ITSN2: variants seen among roughly 807,000 people sequenced by gnomAD.
The protein encoded by ITSN2 is intersectin 2, also known as intersectin-2.
Under a neutral mutation model 243.7 loss-of-function variants are expected in ITSN2, and 156 were observed. That is an observed-to-expected ratio of 0.64 (90% CI 0.56 to 0.73). The LOEUF (loss-of-function observed/expected upper bound fraction) is 0.73, where lower values mean the gene tolerates loss of function less well. Ranked by LOEUF, ITSN2 falls within the 30% of genes least tolerant of loss-of-function variation. ITSN2 has a pLI of 0.00. For synonymous variants in ITSN2, 703 were observed against 699.9 expected (o/e 1.00, Z -0.07); for missense variants, 1,801 against 1,996.1 (o/e 0.90, Z 1.86).
chr2:24,352,167 G>A (rs145366283), intron 1 of ITSN2, among the ~76,000 whole-genome samples: 1 of 152,256 alleles, frequency 6.6e-6, no homozygotes, highest in Non-Finnish European at 1.5e-5. Context: ...ACCACTAGGG[G>A]TTTTGGAATG....
intron 1 of ITSN2, chr2:24,330,639 G>T: frequency 1.3e-6 from 1 of 745,858 alleles, no homozygotes; most frequent in Admixed American, 1.7e-5. Context: ...AACAGACGGG[G>T]CACAGAAAGC....
chr2:24,244,095 G>A (rs1274691181), intron 29 of ITSN2, among the ~76,000 whole-genome samples: 1 of 152,192 alleles, frequency 6.6e-6, no homozygotes, highest in African/African-American at 2.4e-5. Flanking sequence ...CTGGGCAAAA[G>A]TAATTTGCAT....
intron 27 of ITSN2, 43 bp from the exon 28 acceptor site, chr2:24,246,936 A>G (rs1673452965): frequency 8.1e-7 from 1 of 1,238,558 alleles, no homozygotes. Context: ...AGATGAGATT[A>G]AAAACAATCA....
intron 29 of ITSN2, among the ~76,000 whole-genome samples, chr2:24,236,649 C>T (rs573058673): frequency 3.1e-4 from 45 of 146,074 alleles, no homozygotes; most frequent in Non-Finnish European, 6.0e-4. Context: ...TGTGCAATCT[C>T]TGATTTTTCC....
intron 22 of ITSN2, among the ~76,000 whole-genome samples, chr2:24,259,823 C>A (rs142819428): frequency 3.8e-4 from 58 of 152,236 alleles, no homozygotes; most frequent in African/African-American, 1.3e-3. Flanking sequence ...CCCCTACAGA[C>A]CTTGTAGATA....
intron 30 of ITSN2, chr2:24,220,228 G>A (rs1367063708): frequency 1.4e-5 from 9 of 635,530 alleles, no homozygotes; most frequent in Non-Finnish European, 1.6e-5. Context: ...GGTAGGGGAC[G>A]CCTGTTCTTT....
chr2:24,229,595 A>G (rs979881735), intron 29 of ITSN2, among the ~76,000 whole-genome samples: 1 of 152,192 alleles, frequency 6.6e-6, no homozygotes, highest in African/African-American at 2.4e-5. Flanking sequence ...TCTCAACAAC[A>G]ACACAAAGAA....
At chr2:24,219,807 C>T (rs894596364) in intron 30 of ITSN2, among the ~76,000 whole-genome samples, 1 of 152,168 alleles carries the variant, frequency 6.6e-6, no homozygotes, top group Non-Finnish European at 1.5e-5. Context: ...CAGGGCTGAT[C>T]CTTGTAGGGG....
At chr2:24,314,863 A>C (rs1683716064) in intron 3 of ITSN2, among the ~76,000 whole-genome samples, 1 of 152,234 alleles carries the variant, frequency 6.6e-6, no homozygotes, top group Admixed American at 6.5e-5. Context: ...TTCTAGATAT[A>C]ATGTTAAAAT....
At chr2:24,353,344 C>A (rs1339021758) in intron 1 of ITSN2, among the ~76,000 whole-genome samples, 1 of 152,066 alleles carries the variant, frequency 6.6e-6, no homozygotes, top group African/African-American at 2.4e-5. Context: ...GCCTGTAATC[C>A]CAGCACTTTG....
intron 1 of ITSN2, among the ~76,000 whole-genome samples, chr2:24,350,223 G>C (rs1466743817): frequency 6.6e-6 from 1 of 152,152 alleles, no homozygotes; most frequent in Non-Finnish European, 1.5e-5. Flanking sequence ...ATTAGGAAAA[G>C]CTTCTGATCT....
rs1673807084 is a variant in ITSN2 at position 24,249,295 on chromosome 2, G to A, written c.3121-413C>T. 1.3e-5 allele frequency among the ~76,000 whole-genome samples: 2 copies of A among 152,156 alleles called. No individual in the cohort carries two copies. Among genetic ancestry groups the A allele is most frequent in the Admixed American group, 6.5e-5 (1 of 15,272 alleles). ...GCTCCTGCTTTCTCTAAGGGATCCTGACTTATCTATGGATCTTGATGAACA... is the reference window on the plus strand; with the variant it reads ...GCTCCTGCTTTCTCTAAGGGATCCTAACTTATCTATGGATCTTGATGAACA... On this transcript the variant is annotated intron_variant, in intron 25 of 39. Transcript: ENST00000355123. This position sits in a 1 kb window ranked among gnomAD's most constrained non-coding sequence, Gnocchi z 4.4.
chr2:24,298,816 T>TA lies in ITSN2; in HGVS notation c.1345-3_1345-2insT. 1 of 1,572,818 alleles carries TA rather than the reference T, an allele frequency of 6.4e-7. No homozygotes were observed. The highest frequency in any genetic ancestry group is 8.6e-7 in the Non-Finnish European group (1 of 1,168,354). On this transcript the variant is annotated splice_region_variant and splice_polypyrimidine_tract_variant and intron_variant, in intron 12 of 39. Transcript: ENST00000355123. Reference sequence around the variant, plus strand: ...TCGTTCAAGTTCCTGTTTTGCTGCCTGAAAAAAAAAAGGAATTATACTTAA... The same window carrying TA: ...TCGTTCAAGTTCCTGTTTTGCTGCCTAGAAAAAAAAAAGGAATTATACTTAA...
Position 24,249,083 on chromosome 2 carries a change from T to G in ITSN2, c.3121-201A>C, listed in dbSNP as rs1017510782. 1.8e-4 allele frequency among the ~76,000 whole-genome samples: 27 copies of G among 152,330 alleles called. No individual in the cohort carries two copies. The highest frequency in any genetic ancestry group is 6.3e-4 in the African/African-American group (26 of 41,586). Reference sequence around the variant, plus strand: ...TATGAGGAGATCTGGTCTGCTAATGTAATACATTATATACGAGTGGCTGTC... The same window carrying G: ...TATGAGGAGATCTGGTCTGCTAATGGAATACATTATATACGAGTGGCTGTC... On this transcript the variant is annotated intron_variant, in intron 25 of 39. Transcript: ENST00000355123. This position sits in a 1 kb window ranked among gnomAD's most constrained non-coding sequence, Gnocchi z 4.4.
intron 13 of ITSN2, among the ~76,000 whole-genome samples, chr2:24,296,110 CAG>C (rs1680928308): frequency 6.6e-6 from 1 of 152,132 alleles, no homozygotes; most frequent in Admixed American, 6.5e-5. Context: ...ATATTAATAT[CAG>C]AGACACTCTC....
chr2:24,230,957 A>G (rs1454036058), intron 29 of ITSN2, among the ~76,000 whole-genome samples: 1 of 150,574 alleles, frequency 6.6e-6, no homozygotes, highest in Admixed American at 6.6e-5. Flanking sequence ...AGGCCTCCGC[A>G]CTATTCCTCA....
chr2:24,250,201 G>C (rs2151307749), intron 25 of ITSN2, among the ~76,000 whole-genome samples: 1 of 152,298 alleles, frequency 6.6e-6, no homozygotes, highest in African/African-American at 2.4e-5. Flanking sequence ...GTATTTGTGT[G>C]ACTAAATTGT....
At chr2:24,259,525 C>T (rs530119367) in intron 22 of ITSN2, among the ~76,000 whole-genome samples, 64 of 152,332 alleles carry the variant, frequency 4.2e-4, no homozygotes, top group Admixed American at 1.4e-3. Flanking sequence ...TTGCCTAGCA[C>T]GGTATTAAAT....
At chr2:24,281,875 C>A (rs1678825649) in intron 17 of ITSN2, among the ~76,000 whole-genome samples, 1 of 152,320 alleles carries the variant, frequency 6.6e-6, no homozygotes, top group African/African-American at 2.4e-5. Flanking sequence ...GCATCTCCAC[C>A]CCTCTTCTTC....
Sources: allele counts gnomAD v4.1 joint callset (sites outside exome capture counted in the v4.1 genomes callset), GRCh38; gene constraint gnomAD v4.1.1; non-coding constraint Gnocchi (gnomAD v3.1); transcripts MANE v1.5; gene names NCBI Gene and HGNC (gene_info 2026-07-23, HGNC 2026-07-21).